The following DYNC1H1 variants were observed in gnomAD, a reference collection of about 807,000 sequenced individuals.
DYNC1H1 encodes the protein cytoplasmic dynein 1 heavy chain 1.
DYNC1H1 carries 51 observed loss-of-function variants against 527.1 expected under a neutral mutation model. The observed-to-expected ratio is 0.10, with a 90% confidence interval of 0.08 to 0.12. The LOEUF (loss-of-function observed/expected upper bound fraction) is 0.12, where lower values mean the gene tolerates loss of function less well. DYNC1H1 is among the 10% of genes least tolerant of loss of function. DYNC1H1 has a pLI of 1.00. For missense variants in DYNC1H1, 2,771 were observed against 5,971.8 expected (o/e 0.46, Z 17.66); for synonymous variants, 2,189 against 2,278.8 (o/e 0.96, Z 1.12).
In DYNC1H1 at chr14:101,999,964, TTC is replaced by T. The variant is rs769480242; in HGVS notation, c.3805-21_3805-20del. ...TCTCTCCTGAGACATTGTGCTCCAA[TTC>T]TCTGTGCTCTGACTGCTTTCAGGGC... On this transcript the variant is annotated intron_variant, in intron 16 of 77. Transcript: ENST00000360184. 4 of 1,614,090 alleles carry T rather than the reference TTC, an allele frequency of 2.5e-6. No individual in the cohort carries two copies. The South Asian group carries it at 4.4e-5, about 18-fold the overall frequency.
chr14:102,039,454 A>G lies in DYNC1H1; in HGVS notation c.11503A>G (p.Ile3835Val), dbSNP rs148513391. ...GTACTCCCTCCAGTTTTTCCTGGAC[A>G]TTTATCACAACGTCCTATACGAGAA... ...YQYSLQFFLD[I>V]YHNVLYENPN... The change falls in exon 61 of 78, where the codon ATT becomes GTT. Residue 3835 changes from isoleucine to valine, a missense_variant. Physicochemically the swap from Ile to Val is conservative, Grantham distance 29 (BLOSUM62 3). This residue lies in a region of DYNC1H1 where 283 missense variants were observed against 737.6 expected (regional missense o/e 0.38). Transcript: ENST00000360184. This position sits in a 1 kb window ranked among gnomAD's most constrained non-coding sequence, Gnocchi z 7.0. 2.5e-6 allele frequency: 4 copies of G among 1,614,098 alleles called. No homozygotes were observed. In the African/African-American group the frequency reaches 5.3e-5, roughly 22 times the overall value.
rs777878967 is a variant in DYNC1H1 at position 102,010,094 on chromosome 14, G to T, written c.6221+8G>T. 2.3e-5 allele frequency: 37 copies of T among 1,613,298 alleles called. No homozygotes were observed. ...AATCGTCCCGTTTTTTAAGTAAGTA[G>T]CCTAGAATTCTTCATAATCATGTTT... On this transcript the variant is annotated splice_region_variant and intron_variant, in intron 30 of 77. Coordinates refer to ENST00000360184, the MANE Select transcript of DYNC1H1 (RefSeq NM_001376.5). This position sits in a 1 kb window ranked among gnomAD's most constrained non-coding sequence, Gnocchi z 6.0.
chr14:102,022,544 G>GTAAA (rs1183813353), intron 42 of DYNC1H1, among the ~76,000 whole-genome samples: 5 of 151,682 alleles, frequency 3.3e-5, no homozygotes, highest in African/African-American at 4.8e-5. Context: ...AAGTAAGTAA[G>GTAAA]TAAATAAATA....
chr14:101,966,783 G>A (rs2047673087), intron 1 of DYNC1H1, among the ~76,000 whole-genome samples: 1 of 151,626 alleles, frequency 6.6e-6, no homozygotes, highest in African/African-American at 2.4e-5. Flanking sequence ...CCAGTAATTC[G>A]CTTTTTCCAG....
At chr14:102,028,516 A>G (rs17512621) in intron 48 of DYNC1H1, 14 of 339,916 alleles carry the variant, frequency 4.1e-5, no homozygotes, top group Non-Finnish European at 7.5e-5. Context: ...CCCAGACTCA[A>G]AACAACATAA....
chr14:101,988,862 T>A lies in DYNC1H1; in HGVS notation c.2868+10T>A, dbSNP rs1180151750. 3 of 1,613,986 alleles carry A rather than the reference T, an allele frequency of 1.9e-6. No homozygotes were observed. Among genetic ancestry groups the A allele is most frequent in the East Asian group, 4.5e-5 (2 of 44,890 alleles). On this transcript the variant is annotated intron_variant, in intron 10 of 77. Coordinates refer to ENST00000360184, the MANE Select transcript of DYNC1H1 (RefSeq NM_001376.5). ...AGAGCCAAAGATCAAAGTGAGTGCTTCTGTGGCATTCTATTTACTAATAAG... is the reference window on the plus strand; with the variant it reads ...AGAGCCAAAGATCAAAGTGAGTGCTACTGTGGCATTCTATTTACTAATAAG...
In DYNC1H1 at chr14:102,033,703, G is replaced by C; in HGVS notation, c.10413+219G>C. On this transcript the variant is annotated intron_variant, in intron 54 of 77. Coordinates refer to ENST00000360184, the MANE Select transcript of DYNC1H1 (RefSeq NM_001376.5). This position sits in a 1 kb window ranked among gnomAD's most constrained non-coding sequence, Gnocchi z 5.6. The stretch of plus-strand genomic sequence containing the variant: ...GATACAAACTGGACACTTTTCAGCC[G>C]TTGAATCCCCCACCAGCAGCTCCAG... 1.4e-6 allele frequency: 1 copy of C among 709,156 alleles called. No individual in the cohort carries two copies. The highest frequency in any genetic ancestry group is 1.8e-5 in the African/African-American group (1 of 56,830). The allele number at this position is 709,156 out of a possible 1,614,324, so 43.9% of individuals were successfully genotyped here. A position where few individuals can be genotyped will look rare whatever the true frequency, so the allele number is the denominator to read the frequency against.
intron 1 of DYNC1H1, among the ~76,000 whole-genome samples, chr14:101,966,221 A>C (rs181275853): frequency 1.3e-5 from 2 of 152,328 alleles, no homozygotes; most frequent in Admixed American, 6.5e-5. Flanking sequence ...CTTACTCAGA[A>C]GATGCTTCCC....
Position 102,000,030 on chromosome 14 carries a change from A to G in DYNC1H1, c.3846A>G (p.Ile1282Met), listed in dbSNP as rs2048112192. 1 of 1,614,164 alleles carries G rather than the reference A, an allele frequency of 6.2e-7. No individual in the cohort carries two copies. Among genetic ancestry groups the G allele is most frequent in the Non-Finnish European group, 8.5e-7 (1 of 1,180,024 alleles). Residue 1282 changes from isoleucine (I) to methionine (M), a missense_variant, in exon 17 of 78, where the codon ATA becomes ATG. Coordinates refer to ENST00000360184, the MANE Select transcript of DYNC1H1 (RefSeq NM_001376.5). ...RPEEALQALT[I>M]YEGKFGRLKD... ...AAGAGGCACTTCAGGCTCTCACCATATATGAGGGGAAGTTTGGTAGGCTGA... is the reference window on the plus strand; with the variant it reads ...AAGAGGCACTTCAGGCTCTCACCATGTATGAGGGGAAGTTTGGTAGGCTGA...
chr14:102,001,128 G>A lies in DYNC1H1; in HGVS notation c.4186-17G>A, dbSNP rs749598059. Reference sequence around the variant, plus strand: ...GAAACGCACCTGCACAGATCACTTTGTTTACTTTCTCCACAGATAAATATG... The same window carrying A: ...GAAACGCACCTGCACAGATCACTTTATTTACTTTCTCCACAGATAAATATG... On this transcript the variant is annotated splice_polypyrimidine_tract_variant and intron_variant, in intron 19 of 77. Coordinates refer to ENST00000360184, the MANE Select transcript of DYNC1H1 (RefSeq NM_001376.5). This position sits in a 1 kb window ranked among gnomAD's most constrained non-coding sequence, Gnocchi z 5.0. 6.2e-7 allele frequency: 1 copy of A among 1,614,020 alleles called. No individual in the cohort carries two copies. Among genetic ancestry groups the A allele is most frequent in the Admixed American group, 1.7e-5 (1 of 59,984 alleles).
intron 5 of DYNC1H1, among the ~76,000 whole-genome samples, chr14:101,981,204 G>T (rs1017045367): frequency 6.6e-6 from 1 of 151,958 alleles, no homozygotes; most frequent in Non-Finnish European, 1.5e-5. Flanking sequence ...GCTCACTGCT[G>T]CCTGGAGTTC....
chr14:101,989,759 A>G (rs1330225338), intron 10 of DYNC1H1, among the ~76,000 whole-genome samples: 1 of 152,194 alleles, frequency 6.6e-6, no homozygotes, highest in Non-Finnish European at 1.5e-5. Flanking sequence ...TCCCCAGAGC[A>G]TACTTTTTAA....
rs183792794 is a variant in DYNC1H1 at position 101,997,618 on chromosome 14, G to T, written c.3804+344G>T. ...GCTGCTGCTAGTTAATTTAATTTTGGTTGGATGGTCTCTGTTTTTGCCAGT... is the reference window on the plus strand; with the variant it reads ...GCTGCTGCTAGTTAATTTAATTTTGTTTGGATGGTCTCTGTTTTTGCCAGT... On this transcript the variant is annotated intron_variant, in intron 16 of 77. Coordinates refer to ENST00000360184, the MANE Select transcript of DYNC1H1 (RefSeq NM_001376.5). This position sits in a 1 kb window ranked among gnomAD's most constrained non-coding sequence, Gnocchi z 4.8. 6.6e-6 allele frequency among the ~76,000 whole-genome samples: 1 copy of T among 152,170 alleles called. No homozygotes were observed. Among genetic ancestry groups the T allele is most frequent in the Non-Finnish European group, 1.5e-5 (1 of 68,028 alleles).
intron 5 of DYNC1H1, 82 bp from the exon 6 acceptor site, chr14:101,982,937 G>T: frequency 1.3e-6 from 2 of 1,513,412 alleles, no homozygotes; most frequent in South Asian, 1.2e-5. Flanking sequence ...ACATCAAAAT[G>T]TTCCATTGTA....
intron 16 of DYNC1H1, among the ~76,000 whole-genome samples, chr14:101,999,038 C>A (rs1057043206): frequency 6.6e-6 from 1 of 151,856 alleles, no homozygotes; most frequent in African/African-American, 2.4e-5. Context: ...CCCGCCACCA[C>A]GCCTGGCTAA....
At chr14:102,026,194 G>T (rs867721233) in intron 43 of DYNC1H1, among the ~76,000 whole-genome samples, 12 of 152,014 alleles carry the variant, frequency 7.9e-5, no homozygotes, top group African/African-American at 2.4e-4. Context: ...ATACAGAAAT[G>T]GCTTGTCAGG....
Position 102,044,131 on chromosome 14 carries a change from C to G in DYNC1H1, c.12684+86C>G. 1 of 1,588,648 alleles carries G rather than the reference C, an allele frequency of 6.3e-7. No homozygotes were observed. The highest frequency in any genetic ancestry group is 1.3e-5 in the African/African-American group (1 of 74,566). On this transcript the variant is annotated intron_variant, in intron 70 of 77. Coordinates refer to ENST00000360184, the MANE Select transcript of DYNC1H1 (RefSeq NM_001376.5). The surrounding 1 kb of genome is among the most constrained non-coding windows in gnomAD (Gnocchi z 7.1). ...CGTGGTGCTGAGAGGCCAGACTCTG[C>G]GTGGAAGAGCGAGCTGACCCCTCGT...
rs1349886491 is a variant in DYNC1H1, at chr14:102,044,730, G to A, written c.13006+32G>A. ...AACAAGGATCCTCCCCACACGCAGG[G>A]TGGGTGGCGAGGGTCCCCTCACGCG... On this transcript the variant is annotated intron_variant, in intron 72 of 77. Transcript: ENST00000360184. The surrounding 1 kb of genome is among the most constrained non-coding windows in gnomAD (Gnocchi z 7.1). 3.6e-6 allele frequency: 5 copies of A among 1,400,166 alleles called. No homozygotes were observed. The highest frequency in any genetic ancestry group is 4.9e-6 in the Non-Finnish European group (5 of 1,022,156). The allele number at this position is 1,400,166 out of a possible 1,614,324, so 86.7% of individuals were successfully genotyped here. A position where few individuals can be genotyped will look rare whatever the true frequency, so the allele number is the denominator to read the frequency against.
intron 9 of DYNC1H1, 99 bp from the exon 10 acceptor site, chr14:101,988,604 T>C (rs1178229063): frequency 6.7e-7 from 1 of 1,503,112 alleles, no homozygotes. Context: ...TCCGGAACTG[T>C]GTATCTTTTA....
Sources: allele counts gnomAD v4.1 joint callset (sites outside exome capture counted in the v4.1 genomes callset), GRCh38; gene constraint gnomAD v4.1.1; regional missense constraint gnomAD v4.1.1; non-coding constraint Gnocchi (gnomAD v3.1); transcripts MANE v1.5; gene names NCBI Gene and HGNC (gene_info 2026-07-23, HGNC 2026-07-21).